TMEM117: variants seen among roughly 807,000 people sequenced by gnomAD.
TMEM117 encodes transmembrane protein 117.
Under a neutral mutation model 52.4 loss-of-function variants are expected in TMEM117, and 27 were observed. The ratio of observed to expected loss-of-function variants is 0.51; its 90% CI spans 0.38 to 0.71. The LOEUF is 0.71. Among genes scored for constraint, TMEM117 ranks in the 30% least tolerant of loss-of-function variants. The pLI is 0.00. For missense variants in TMEM117, 556 were observed against 630.5 expected (o/e 0.88, Z 1.26); for synonymous variants, 215 against 206.3 (o/e 1.04, Z -0.36).
At chr12:44,302,240 A>C (rs1303938196) in intron 6 of TMEM117, among the ~76,000 whole-genome samples, 4 of 152,082 alleles carry the variant, frequency 2.6e-5, no homozygotes, top group Non-Finnish European at 5.9e-5. Context: ...TCTCAGCCCT[A>C]GATATTGTCC....
intron 3 of TMEM117, among the ~76,000 whole-genome samples, chr12:44,130,379 C>G (rs1410466299): frequency 6.6e-6 from 1 of 152,180 alleles, no homozygotes; most frequent in Non-Finnish European, 1.5e-5. Context: ...CCCTTCCCTC[C>G]AAAGTAATAA....
At chr12:43,970,523 T>C (rs1284606562) in intron 3 of TMEM117, among the ~76,000 whole-genome samples, 1 of 152,078 alleles carries the variant, frequency 6.6e-6, no homozygotes, top group Non-Finnish European at 1.5e-5. Context: ...CTCCTGACCT[T>C]GTGATCCGCC....
chr12:44,156,778 G>A (rs1289220430), intron 4 of TMEM117, among the ~76,000 whole-genome samples: 1 of 152,076 alleles, frequency 6.6e-6, no homozygotes, highest in African/African-American at 2.4e-5. Context: ...AGATGGATAT[G>A]AAGAGGGTTG....
At chr12:44,183,877 C>T (rs541594180) in intron 4 of TMEM117, among the ~76,000 whole-genome samples, 8 of 152,250 alleles carry the variant, frequency 5.3e-5, no homozygotes, top group East Asian at 1.9e-4. Flanking sequence ...ACATTTCACA[C>T]GCAGCAAGAC....
intron 1 of TMEM117, among the ~76,000 whole-genome samples, chr12:43,838,038 T>C (rs1443796867): frequency 6.6e-6 from 1 of 152,236 alleles, no homozygotes; most frequent in Non-Finnish European, 1.5e-5. Context: ...ACTTAAAAGG[T>C]TGCTTTTTAT....
intron 6 of TMEM117, among the ~76,000 whole-genome samples, chr12:44,306,908 G>T (rs1199875102): frequency 6.6e-6 from 1 of 152,152 alleles, no homozygotes; most frequent in African/African-American, 2.4e-5. Context: ...GCACTCTGTG[G>T]TATAGTCAAA....
intron 2 of TMEM117, among the ~76,000 whole-genome samples, chr12:43,892,060 A>G (rs1013766945): frequency 6.6e-6 from 1 of 152,224 alleles, no homozygotes; most frequent in Admixed American, 6.5e-5. Context: ...TACTCCTGGT[A>G]TCAGGAGGTC....
intron 4 of TMEM117, among the ~76,000 whole-genome samples, chr12:44,181,927 C>G (rs1448115811): frequency 6.6e-6 from 1 of 152,066 alleles, no homozygotes; most frequent in East Asian, 1.9e-4. Flanking sequence ...GGCCTTGAAT[C>G]TGTAAATTAC....
At chr12:43,836,606 T>G (rs542442880) in intron 1 of TMEM117, among the ~76,000 whole-genome samples, 4 of 152,256 alleles carry the variant, frequency 2.6e-5, no homozygotes, top group African/African-American at 9.6e-5. Context: ...CTATTTTTCT[T>G]AATTAAATTA....
chr12:43,868,870 G>GA (rs1298992898), intron 2 of TMEM117, among the ~76,000 whole-genome samples: 3 of 121,476 alleles, frequency 2.5e-5, no homozygotes, highest in Non-Finnish European at 5.6e-5. Flanking sequence ...AAAGGAAAAG[G>GA]AAAAAGAAAA....
chr12:44,018,707 C>A (rs1028043297), intron 3 of TMEM117, among the ~76,000 whole-genome samples: 4 of 150,678 alleles, frequency 2.7e-5, no homozygotes, highest in East Asian at 1.9e-4. Context: ...TTTTATTTTT[C>A]TTTTTTTCTT....
chr12:43,813,015 A>G, the TMEM117 span, among the ~76,000 whole-genome samples: 5 of 151,520 alleles, frequency 3.3e-5, no homozygotes, highest in Non-Finnish European at 7.4e-5. Flanking sequence ...TCCAAAAAAA[A>G]AAAGCAGCAG....
chr12:44,062,327 C>T (rs954262260), intron 3 of TMEM117, among the ~76,000 whole-genome samples: 1 of 152,174 alleles, frequency 6.6e-6, no homozygotes, highest in African/African-American at 2.4e-5. Flanking sequence ...GGTTGTTCCC[C>T]ACTTTCTTTG....
intron 4 of TMEM117, among the ~76,000 whole-genome samples, chr12:44,164,933 ATCT>A (rs1948945244): frequency 6.6e-6 from 1 of 152,182 alleles, no homozygotes; most frequent in East Asian, 1.9e-4. Flanking sequence ...AACAGCTCAA[ATCT>A]TCTGTTCTGG....
intron 3 of TMEM117, among the ~76,000 whole-genome samples, chr12:44,022,923 G>A (rs886278029): frequency 6.6e-6 from 1 of 152,114 alleles, no homozygotes; most frequent in African/African-American, 2.4e-5. Flanking sequence ...ATGAGGTCTG[G>A]CGTCTAATCA....
At chr12:43,992,704 C>T (rs80192513) in intron 3 of TMEM117, among the ~76,000 whole-genome samples, 1,590 of 152,276 alleles carry the variant, frequency 0.01, 26 homozygotes, top group East Asian at 0.035. Context: ...CTGGCCCAGG[C>T]CCCCAGCTTC....
intron 3 of TMEM117, among the ~76,000 whole-genome samples, chr12:43,984,099 G>A (rs2137729273): frequency 6.6e-6 from 1 of 152,194 alleles, no homozygotes; most frequent in East Asian, 1.9e-4. Context: ...TGAATGGGGT[G>A]GCTCACACCT....
chr12:44,195,447 G>A (rs1438093345), intron 4 of TMEM117, among the ~76,000 whole-genome samples: 2 of 152,022 alleles, frequency 1.3e-5, no homozygotes, highest in East Asian at 1.9e-4. Context: ...GCTCATCATA[G>A]TCACAGGTTC....
At chr12:43,825,402 G>C in the TMEM117 span, among the ~76,000 whole-genome samples, 1 of 152,100 alleles carries the variant, frequency 6.6e-6, no homozygotes, top group African/African-American at 2.4e-5. Context: ...TTAAAAGGTG[G>C]TATGAAGTGA....
Sources: gnomAD v4.1 joint callset for allele counts (sites outside exome capture counted in the v4.1 genomes callset) on GRCh38, gnomAD v4.1.1 for gene constraint, MANE v1.5 for transcripts, NCBI Gene and HGNC (gene_info 2026-07-23, HGNC 2026-07-21) for gene names.